Variants in MAP3K4 observed in about 807,000 individuals in gnomAD.
MAP3K4 encodes the protein mitogen-activated protein kinase kinase kinase 4.
MAP3K4 carries 67 observed loss-of-function variants against 185.6 expected under a neutral mutation model. That is an observed-to-expected ratio of 0.36 (90% confidence interval 0.30 to 0.44). The LOEUF is 0.44. Ranked by LOEUF, MAP3K4 falls within the 20% of genes least tolerant of loss-of-function variation. The pLI is 1.00. For synonymous variants in MAP3K4, 702 were observed against 710.4 expected, an observed-to-expected ratio of 0.99 and a Z score of 0.19; for missense variants, 1,551 against 1,995.1, an observed-to-expected ratio of 0.78 and a Z score of 4.24.
intron 3 of MAP3K4, among the ~76,000 whole-genome samples, chr6:161,057,990 C>T (rs574306952): frequency 3.3e-5 from 5 of 152,290 alleles, no homozygotes; most frequent in East Asian, 1.9e-4. Context: ...AACTGGATCC[C>T]GTGATAACAA....
chr6:161,001,036 TATA>T (rs200533465), intron 1 of MAP3K4, among the ~76,000 whole-genome samples: 10 of 22,246 alleles, frequency 4.5e-4, no homozygotes, highest in Non-Finnish European at 5.9e-4. Flanking sequence ...TATTATATAT[TATA>T]ATATACACAT....
Position 161,048,131 on chromosome 6 carries a change from A to T in MAP3K4, c.344-485A>T. The T allele has an allele frequency of 2.3e-6, 1 of 434,184 alleles. No homozygotes were observed. The highest frequency in any genetic ancestry group is 4.6e-6 in the Non-Finnish European group (1 of 219,578). 26.9% of individuals were successfully genotyped at this position (434,184 alleles called of 1,614,324 possible). A position where few individuals can be genotyped will look rare whatever the true frequency, so the allele number is the denominator to read the frequency against. ...GGGTGCCTTAAGTATTCTTGCATCA[A>T]TGTGCCTAATTTTATCAATGAGAAA... On this transcript the variant is annotated intron_variant, in intron 2 of 26. Transcript: ENST00000392142. The surrounding 1 kb of genome is among the most constrained non-coding windows in gnomAD (Gnocchi z 4.7).
rs371357935 is a variant in MAP3K4 at position 161,002,622 on chromosome 6, C to T, written c.152+10539C>T. ...TTTTTTTTTTTTTGAGATGGAGTCT[C>T]GCTCTGTCACCCAGGCTGGAGTGCA... is the stretch of plus-strand genomic sequence containing the variant. On this transcript the variant is annotated intron_variant, in intron 1 of 26. Transcript: ENST00000392142. Among the ~76,000 whole-genome samples, 38 of 113,574 alleles carry T rather than the reference C, an allele frequency of 3.3e-4. No individual in the cohort carries two copies. The South Asian group carries it at 0.011, about 32-fold the overall frequency. The allele number at this position is 113,574 out of a possible 152,430, so 74.5% of individuals were successfully genotyped here. A position where few individuals can be genotyped will look rare whatever the true frequency, so the allele number is the denominator to read the frequency against.
chr6:161,029,841 T>G (rs1562491703), intron 1 of MAP3K4, among the ~76,000 whole-genome samples: 2 of 152,110 alleles, frequency 1.3e-5, no homozygotes, highest in Non-Finnish European at 2.9e-5. Flanking sequence ...TGTATAAGTG[T>G]TTTGTTTGTT....
At position 160,991,810 on chromosome 6, in the gene MAP3K4, G is replaced by A; in HGVS notation, c.-122G>A. The A allele has an allele frequency of 5.3e-6, 6 of 1,126,128 alleles. No homozygotes were observed. The highest frequency in any genetic ancestry group is 2.1e-5 in the South Asian group (1 of 46,526). 69.8% of individuals were successfully genotyped at this position (1,126,128 alleles called of 1,614,324 possible). A position where few individuals can be genotyped will look rare whatever the true frequency, so the allele number is the denominator to read the frequency against. ...TTTCCAAGATGGCCGCGGCGCGCAC[G>A]GCTCCTGCGGCGGGGTAGAGGCGGA... On this transcript the variant is annotated 5_prime_UTR_variant, in exon 1 of 27. Coordinates refer to ENST00000392142, the MANE Select transcript of MAP3K4 (RefSeq NM_005922.4). This position sits in a 1 kb window ranked among gnomAD's most constrained non-coding sequence, Gnocchi z 5.7.
intron 1 of MAP3K4, among the ~76,000 whole-genome samples, chr6:161,000,792 CACATGTGTACACCCATATATACACACAT>C (rs1479819486): frequency 6.7e-6 from 1 of 148,670 alleles, no homozygotes; most frequent in Non-Finnish European, 1.5e-5. Context: ...CATATATACA[CACATGTGTACACCCATATATACACACAT>C]GTGTATGCAC....
Position 161,073,562 on chromosome 6 carries a change from C to CAAGT in MAP3K4, c.2047_2048insAAGT (p.Pro683GlnfsTer7). ...GGAGGTTCTGGAGGACTTGGAGAAG[C>CAAGT]CCGACTGCAACATTGACGCTTTTGA... On this transcript the variant is annotated frameshift_variant, in exon 5 of 27. Coordinates refer to ENST00000392142, the MANE Select transcript of MAP3K4 (RefSeq NM_005922.4). LOFTEE classifies it high-confidence loss of function. The surrounding 1 kb of genome is among the most constrained non-coding windows in gnomAD (Gnocchi z 4.2). 1 of 1,613,970 alleles carries CAAGT rather than the reference C, an allele frequency of 6.2e-7. No homozygotes were observed. Among genetic ancestry groups the CAAGT allele is most frequent in the Middle Eastern group, 1.7e-4 (1 of 6,060 alleles).
intron 1 of MAP3K4, among the ~76,000 whole-genome samples, chr6:161,009,375 G>A (rs1294877683): frequency 6.6e-6 from 1 of 152,008 alleles, no homozygotes; most frequent in Non-Finnish European, 1.5e-5. Flanking sequence ...TTTTTATCTT[G>A]CAAAACTGAA....
At chr6:160,998,283 T>C (rs1781099516) in intron 1 of MAP3K4, among the ~76,000 whole-genome samples, 1 of 152,198 alleles carries the variant, frequency 6.6e-6, no homozygotes, top group Non-Finnish European at 1.5e-5. Context: ...AAAACCCTAA[T>C]ACTCAGTGTG....
chr6:161,048,186 C>G lies in MAP3K4; in HGVS notation c.344-430C>G. The G allele has an allele frequency of 2.0e-6, 1 of 509,710 alleles. No homozygotes were observed. Among genetic ancestry groups the G allele is most frequent in the South Asian group, 1.5e-5 (1 of 66,762 alleles). 31.6% of individuals were successfully genotyped at this position (509,710 alleles called of 1,614,324 possible). ...ATCCAGATAATTTACGTGATTTCCT[C>G]TTAAGTTTACACATTTAGCTAATGA... is the stretch of plus-strand genomic sequence containing the variant. On this transcript the variant is annotated intron_variant, in intron 2 of 26. Coordinates refer to ENST00000392142, the MANE Select transcript of MAP3K4 (RefSeq NM_005922.4). This position sits in a 1 kb window ranked among gnomAD's most constrained non-coding sequence, Gnocchi z 4.7.
intron 2 of MAP3K4, among the ~76,000 whole-genome samples, chr6:161,038,705 C>T (rs1404114806): frequency 1.3e-5 from 2 of 152,224 alleles, no homozygotes; most frequent in African/African-American, 2.4e-5. Context: ...TACAGGTCAT[C>T]CCTGTCCCAG....
chr6:161,021,935 A>G (rs1782418164), intron 1 of MAP3K4, among the ~76,000 whole-genome samples: 1 of 152,240 alleles, frequency 6.6e-6, no homozygotes, highest in African/African-American at 2.4e-5. Flanking sequence ...AAGAAAACAA[A>G]AAAAAACAAA....
Position 161,048,279 on chromosome 6 carries a change from CCTT to C in MAP3K4, c.344-336_344-334del, listed in dbSNP as rs777225517. 3.6e-6 allele frequency: 2 copies of C among 553,006 alleles called. No homozygotes were observed. The highest frequency in any genetic ancestry group is 3.6e-6 in the Non-Finnish European group (1 of 274,090). The allele number at this position is 553,006 out of a possible 1,614,324, so 34.3% of individuals were successfully genotyped here. A position where few individuals can be genotyped will look rare whatever the true frequency, so the allele number is the denominator to read the frequency against. ...CAGATCTCCCATGCTGTTTCTTCCT[CCTT>C]AAATTGAAGGTGATTACTTACGGAA... On this transcript the variant is annotated intron_variant, in intron 2 of 26. Coordinates refer to ENST00000392142, the MANE Select transcript of MAP3K4 (RefSeq NM_005922.4). The surrounding 1 kb of genome is among the most constrained non-coding windows in gnomAD (Gnocchi z 4.7).
At position 161,110,034 on chromosome 6, in the gene MAP3K4, C is replaced by A; in HGVS notation, c.4396+120C>A. ...GATTTCTCTAGATGGAAATACCTTT[C>A]ATTGAAATACGCCTCTATAAGGATC... is the stretch of plus-strand genomic sequence containing the variant. On this transcript the variant is annotated intron_variant, in intron 23 of 26. Transcript: ENST00000392142. This position sits in a 1 kb window ranked among gnomAD's most constrained non-coding sequence, Gnocchi z 4.8. 1 of 1,031,184 alleles carries A rather than the reference C, an allele frequency of 9.7e-7. No homozygotes were observed. The highest frequency in any genetic ancestry group is 1.5e-5 in the South Asian group (1 of 67,270). The allele number at this position is 1,031,184 out of a possible 1,614,324, so 63.9% of individuals were successfully genotyped here.
chr6:161,087,584 C>A lies in MAP3K4; in HGVS notation c.2557-104C>A. ...ACTGCTCCAATTCATGCCCTTCCCA[C>A]TTTCCCTTTCCCAAACCTGCCTCTC... On this transcript the variant is annotated intron_variant, in intron 9 of 26. Transcript: ENST00000392142. The surrounding 1 kb of genome is among the most constrained non-coding windows in gnomAD (Gnocchi z 4.9). 1 of 1,216,170 alleles carries A rather than the reference C, an allele frequency of 8.2e-7. No homozygotes were observed. The highest frequency in any genetic ancestry group is 1.2e-6 in the Non-Finnish European group (1 of 843,826). The allele number at this position is 1,216,170 out of a possible 1,614,324, so 75.3% of individuals were successfully genotyped here. A position where few individuals can be genotyped will look rare whatever the true frequency, so the allele number is the denominator to read the frequency against.
At chr6:161,001,995 A>G (rs1375144750) in intron 1 of MAP3K4, among the ~76,000 whole-genome samples, 1 of 151,200 alleles carries the variant, frequency 6.6e-6, no homozygotes, top group Non-Finnish European at 1.5e-5. Flanking sequence ...AATAATCTCC[A>G]TTCAAGAAAC....
intron 1 of MAP3K4, among the ~76,000 whole-genome samples, chr6:161,013,703 G>C (rs981579845): frequency 6.6e-6 from 1 of 152,226 alleles, no homozygotes; most frequent in Non-Finnish European, 1.5e-5. Flanking sequence ...TGCTGCTGCA[G>C]GGCAGGGCTG....
Position 161,091,587 on chromosome 6 carries a change from G to T in MAP3K4, c.3135+47G>T, listed in dbSNP as rs753704099. 1.3e-6 allele frequency: 2 copies of T among 1,551,352 alleles called. No homozygotes were observed. Among genetic ancestry groups the T allele is most frequent in the South Asian group, 1.2e-5 (1 of 83,918 alleles). On this transcript the variant is annotated intron_variant, in intron 12 of 26. Transcript: ENST00000392142. The surrounding 1 kb of genome is among the most constrained non-coding windows in gnomAD (Gnocchi z 5.5). ...ACACGGTACAATTTAGTAATTGCTT[G>T]ATAACTTACAGAAAGTTTTTGGAAC...
At position 161,076,638 on chromosome 6, in the gene MAP3K4, A is replaced by G. The variant is rs1183225280; in HGVS notation, c.2097+3026A>G. Among the ~76,000 whole-genome samples the G allele has an allele frequency of 6.6e-6, 1 of 152,186 alleles. No individual in the cohort carries two copies. The highest frequency in any genetic ancestry group is 6.5e-5 in the Admixed American group (1 of 15,286). ...AACATGTGACAGCCTTAAGGAAACCACTTAAAAAGATTTATAAGGATTGAA... is the reference window on the plus strand; with the variant it reads ...AACATGTGACAGCCTTAAGGAAACCGCTTAAAAAGATTTATAAGGATTGAA... On this transcript the variant is annotated intron_variant, in intron 5 of 26. Transcript: ENST00000392142. This position sits in a 1 kb window ranked among gnomAD's most constrained non-coding sequence, Gnocchi z 4.2.
Sources: gnomAD v4.1 joint callset for allele counts (sites outside exome capture counted in the v4.1 genomes callset) on GRCh38, gnomAD v4.1.1 for gene constraint, Gnocchi (gnomAD v3.1) non-coding constraint, MANE v1.5 for transcripts, NCBI Gene and HGNC (gene_info 2026-07-23, HGNC 2026-07-21) for gene names.